Variants in CENPP observed in about 807,000 individuals in gnomAD.
CENPP encodes centromere protein P.
A neutral mutation model predicts 35.6 loss-of-function variants in CENPP; 24 were observed. The ratio of observed to expected loss-of-function variants is 0.67; its 90% confidence interval spans 0.49 to 0.95. The LOEUF (loss-of-function observed/expected upper bound fraction) is 0.95, where lower values mean the gene tolerates loss of function less well. Among genes scored for constraint, CENPP ranks in the 40% least tolerant of loss-of-function variants. The probability of loss-of-function intolerance (pLI) is 0.00; values close to 1 mark genes in which losing one functional copy is unlikely to be tolerated. For missense variants in CENPP, 332 were observed against 345.3 expected, an observed-to-expected ratio of 0.96 and a Z score of 0.31; for synonymous variants, 120 against 125.5, an observed-to-expected ratio of 0.96 and a Z score of 0.29.
chr9:92,491,225 A>C (rs1038789813), intron 5 of CENPP, among the ~76,000 whole-genome samples: 8 of 152,218 alleles, frequency 5.3e-5, no homozygotes, highest in African/African-American at 1.9e-4. Context: ...GGACCTAACT[A>C]ATAACACTAA....
intron 4 of CENPP, among the ~76,000 whole-genome samples, chr9:92,356,973 A>G (rs112975886): frequency 0.018 from 2,739 of 152,308 alleles, 92 homozygotes; most frequent in African/African-American, 0.062. Context: ...GCACCCCAAA[A>G]TGTAAACTAA....
At chr9:92,546,392 C>G (rs1243371396) in intron 5 of CENPP, among the ~76,000 whole-genome samples, 1 of 152,182 alleles carries the variant, frequency 6.6e-6, no homozygotes, top group Non-Finnish European at 1.5e-5. Context: ...CTTGCTGCTG[C>G]TCACTCTTTG....
intron 5 of CENPP, among the ~76,000 whole-genome samples, chr9:92,541,470 C>T (rs1849319660): frequency 7.1e-6 from 1 of 139,902 alleles, no homozygotes; most frequent in Non-Finnish European, 1.5e-5. Flanking sequence ...AAGCGATTCC[C>T]CTGCCTCAGC....
At chr9:92,403,953 T>C (rs780589201) in intron 5 of CENPP, among the ~76,000 whole-genome samples, 5 of 152,192 alleles carry the variant, frequency 3.3e-5, no homozygotes, top group Non-Finnish European at 5.9e-5. Context: ...CTTTAGGTGG[T>C]ACAGAATATA....
intron 5 of CENPP, chr9:92,401,173 C>T (rs769658744): frequency 1.2e-5 from 18 of 1,485,938 alleles, no homozygotes; most frequent in Middle Eastern, 3.7e-4. Context: ...GGTATTATCA[C>T]AGTTTCTTTT....
chr9:92,537,765 G>A (rs1323453309), intron 5 of CENPP, among the ~76,000 whole-genome samples: 2 of 152,096 alleles, frequency 1.3e-5, no homozygotes, highest in Non-Finnish European at 2.9e-5. Flanking sequence ...AAACAGAAGA[G>A]GAAGATTTCT....
chr9:92,494,296 A>G lies in CENPP; in HGVS notation c.564+114437A>G, dbSNP rs1012415978. 55 of 638,552 alleles carry G rather than the reference A, an allele frequency of 8.6e-5. No individual in the cohort carries two copies. The African/African-American group carries it at 9.8e-4, about 11-fold the overall frequency. 39.6% of individuals were successfully genotyped at this position (638,552 alleles called of 1,614,324 possible). A position where few individuals can be genotyped will look rare whatever the true frequency, so the allele number is the denominator to read the frequency against. On this transcript the variant is annotated intron_variant, in intron 5 of 7. Transcript: ENST00000375587. ...TTGTTTACAGCTTAGATTGCCTTAA[A>G]CCATTTATGTCAATGTGTTTATATT...
chr9:92,417,831 A>G (rs182383895), intron 5 of CENPP, among the ~76,000 whole-genome samples: 152 of 152,062 alleles, frequency 1.0e-3, no homozygotes, highest in Middle Eastern at 3.4e-3. Flanking sequence ...GGTTCAAGCA[A>G]TTCTCATGCC....
chr9:92,403,378 CAGG>C (rs763649095), intron 5 of CENPP: 5 of 1,612,616 alleles, frequency 3.1e-6, no homozygotes, highest in Admixed American at 3.3e-5. Flanking sequence ...CAAGCAGTAA[CAGG>C]AGAAGTGTAG....
intron 5 of CENPP, among the ~76,000 whole-genome samples, chr9:92,532,101 T>C (rs572340555): frequency 2.1e-5 from 3 of 144,740 alleles, no homozygotes; most frequent in African/African-American, 8.0e-5. Flanking sequence ...GCTAAAGCGA[T>C]CCACCTGACT....
At chr9:92,421,138 C>T (rs1288643818) in intron 5 of CENPP, among the ~76,000 whole-genome samples, 1 of 152,168 alleles carries the variant, frequency 6.6e-6, no homozygotes, top group African/African-American at 2.4e-5. Context: ...CTCCTGGGCT[C>T]AAGTGACTCT....
At chr9:92,572,291 C>T (rs1426586603) in intron 5 of CENPP, among the ~76,000 whole-genome samples, 1 of 152,148 alleles carries the variant, frequency 6.6e-6, no homozygotes, top group Non-Finnish European at 1.5e-5. Flanking sequence ...CTGGCAGTGA[C>T]AAAATCTCTC....
chr9:92,354,700 T>G (rs1047687227), intron 4 of CENPP, among the ~76,000 whole-genome samples: 6 of 152,200 alleles, frequency 3.9e-5, no homozygotes, highest in Non-Finnish European at 7.4e-5. Flanking sequence ...AAAAAAAGTT[T>G]AAAAGACCTG....
At chr9:92,475,961 T>C (rs1412552891) in intron 5 of CENPP, among the ~76,000 whole-genome samples, 1 of 152,208 alleles carries the variant, frequency 6.6e-6, no homozygotes, top group Non-Finnish European at 1.5e-5. Context: ...ATATCCTAAT[T>C]TTTAAATTAT....
chr9:92,418,117 TGCCTTGTCA>T (rs1285334490), intron 5 of CENPP, among the ~76,000 whole-genome samples: 1 of 151,952 alleles, frequency 6.6e-6, no homozygotes, highest in Admixed American at 6.6e-5. Context: ...GATGGAGTCT[TGCCTTGTCA>T]CCCAGGGTGG....
chr9:92,592,529 C>G (rs1850690399), intron 5 of CENPP, among the ~76,000 whole-genome samples: 2 of 152,190 alleles, frequency 1.3e-5, no homozygotes, highest in African/African-American at 4.8e-5. Context: ...GGATATACAA[C>G]AAAGTCTTTA....
intron 5 of CENPP, among the ~76,000 whole-genome samples, chr9:92,546,700 G>A (rs1274541437): frequency 6.6e-6 from 1 of 152,180 alleles, no homozygotes; most frequent in African/African-American, 2.4e-5. Context: ...CATTCTTGAA[G>A]TCAGTGAGAC....
At chr9:92,504,348 A>G (rs1034527267) in intron 5 of CENPP, among the ~76,000 whole-genome samples, 4 of 152,168 alleles carry the variant, frequency 2.6e-5, no homozygotes, top group African/African-American at 4.8e-5. Flanking sequence ...ACAGCCACAT[A>G]AGATCACAAT....
At chr9:92,545,571 G>T (rs1175675846) in intron 5 of CENPP, among the ~76,000 whole-genome samples, 3 of 152,186 alleles carry the variant, frequency 2.0e-5, no homozygotes, top group African/African-American at 7.2e-5. Context: ...TCCCCGACGA[G>T]CTCTGCCCCC....
Sources: allele counts gnomAD v4.1 joint callset (sites outside exome capture counted in the v4.1 genomes callset), GRCh38; gene constraint gnomAD v4.1.1; transcripts MANE v1.5; gene names NCBI Gene and HGNC (gene_info 2026-07-23, HGNC 2026-07-21).